The following TRIM42 variants were observed in gnomAD, a reference collection of about 807,000 sequenced individuals.
TRIM42 encodes tripartite motif containing 42.
TRIM42 carries 59 observed loss-of-function variants against 64.9 expected under a neutral mutation model. The observed-to-expected ratio is 0.91, with a 90% CI of 0.74 to 1.13. The LOEUF (loss-of-function observed/expected upper bound fraction) is 1.13. Among genes scored for constraint, TRIM42 ranks in the 50% most tolerant of loss-of-function variants. The pLI is 0.00. For synonymous variants in TRIM42, 354 were observed against 346.3 expected, an observed-to-expected ratio of 1.02 and a Z score of -0.25; for missense variants, 878 against 929.5, an observed-to-expected ratio of 0.94 and a Z score of 0.72.
rs560061864 is a variant in TRIM42, at chr3:140,699,455, T to C, written c.2086-1433T>C. Among the ~76,000 whole-genome samples, 29 of 152,298 alleles carry C rather than the reference T, an allele frequency of 1.9e-4. No homozygotes were observed. In the East Asian group the frequency reaches 5.4e-3, roughly 28 times the overall value. On this transcript the variant is annotated intron_variant, in intron 4 of 4. Coordinates refer to ENST00000286349, the MANE Select transcript of TRIM42 (RefSeq NM_152616.5). ...TGGGGCATTTGGGGCAGGGAAGAGA[T>C]GTCAACTATCATTTCAATTTCTTTA... is the stretch of plus-strand genomic sequence containing the variant.
chr3:140,684,482 C>T (rs1366065334), intron 2 of TRIM42, among the ~76,000 whole-genome samples: 1 of 152,150 alleles, frequency 6.6e-6, no homozygotes, highest in African/African-American at 2.4e-5. Context: ...TCAGATAGGC[C>T]TACACATTTG....
intron 3 of TRIM42, 110 bp from the exon 4 acceptor site, chr3:140,690,857 TG>T: frequency 1.2e-6 from 1 of 804,412 alleles, no homozygotes; most frequent in Non-Finnish European, 2.1e-6. Flanking sequence ...CTACAGGGGA[TG>T]GGGTCAGCTT....
Position 140,682,478 on chromosome 3 carries a change from C to T in TRIM42, c.358C>T (p.Arg120Cys), listed in dbSNP as rs778272672. The change falls in exon 2 of 5, where the codon CGC (arginine) becomes TGC (cysteine). Residue 120 changes from arginine to cysteine, a missense_variant. Physicochemically the swap from Arg to Cys is radical, Grantham distance 180 (BLOSUM62 -3). Transcript: ENST00000286349. Reference protein sequence around the residue: ...SIHTSSKTALRTGSSDTQVDE... With the variant: ...SIHTSSKTALCTGSSDTQVDE... ...TCCTTTCAGCTCCAAGACTGCCCTG[C>T]GCACTGGGAGCAGCGATACCCAGGT... 2 of 1,613,658 alleles carry T rather than the reference C, an allele frequency of 1.2e-6. No homozygotes were observed. The highest frequency in any genetic ancestry group is 1.3e-5 in the African/African-American group (1 of 75,052).
At chr3:140,682,201 A>T (rs1221426198) in intron 1 of TRIM42, among the ~76,000 whole-genome samples, 1 of 152,196 alleles carries the variant, frequency 6.6e-6, no homozygotes, top group African/African-American at 2.4e-5. Context: ...ACTCAATTTT[A>T]ATCTTCTCAA....
intron 4 of TRIM42, among the ~76,000 whole-genome samples, chr3:140,695,953 C>T (rs755403474): frequency 5.3e-5 from 8 of 152,182 alleles, no homozygotes; most frequent in Non-Finnish European, 8.8e-5. Context: ...CTAAAGAGCT[C>T]GTGACCTTTC....
intron 4 of TRIM42, among the ~76,000 whole-genome samples, chr3:140,700,620 A>C (rs1988975565): frequency 6.6e-6 from 1 of 152,364 alleles, no homozygotes; most frequent in Non-Finnish European, 1.5e-5. Flanking sequence ...CACTGTCATC[A>C]GCACTTAGTC....
chr3:140,686,582 C>A (rs1012648120), intron 2 of TRIM42, among the ~76,000 whole-genome samples: 3 of 152,306 alleles, frequency 2.0e-5, no homozygotes, highest in Admixed American at 1.3e-4. Flanking sequence ...CAAGTGCACA[C>A]CCTTGTTACA....
Position 140,688,081 on chromosome 3 carries a change from C to A in TRIM42, c.1399C>A (p.Leu467Ile). 6.2e-7 allele frequency: 1 copy of A among 1,614,000 alleles called. No individual in the cohort carries two copies. Among genetic ancestry groups the A allele is most frequent in the Non-Finnish European group, 8.5e-7 (1 of 1,179,884 alleles). Reference protein sequence around the residue: ...IQTTYRPDPQLRLHSINYVPL... With the variant: ...IQTTYRPDPQIRLHSINYVPL... ...GACCACCTACAGGCCTGACCCACAG[C>A]TCCGGCTGCACTCAATAAACTACGT... is the stretch of plus-strand genomic sequence containing the variant. Residue 467 changes from leucine (L) to isoleucine (I), a missense_variant, in exon 3 of 5, where the codon CTC (leucine) becomes ATC (isoleucine). Coordinates refer to ENST00000286349, the MANE Select transcript of TRIM42 (RefSeq NM_152616.5).
At chr3:140,687,163 A>G (rs536809782) in intron 2 of TRIM42, among the ~76,000 whole-genome samples, 11 of 152,262 alleles carry the variant, frequency 7.2e-5, no homozygotes, top group African/African-American at 2.4e-4. Flanking sequence ...TAGCTGAACC[A>G]CAAGAGGGAC....
chr3:140,691,442 G>T (rs1413400331), intron 4 of TRIM42, among the ~76,000 whole-genome samples: 1 of 152,196 alleles, frequency 6.6e-6, no homozygotes, highest in Non-Finnish European at 1.5e-5. Flanking sequence ...TAGAGATTCA[G>T]AGGAAAATAA....
At chr3:140,695,143 G>A (rs1056857733) in intron 4 of TRIM42, among the ~76,000 whole-genome samples, 4 of 152,148 alleles carry the variant, frequency 2.6e-5, no homozygotes, top group Non-Finnish European at 5.9e-5. Flanking sequence ...AGCTACTTGG[G>A]AGGCTGAGGC....
Position 140,688,240 on chromosome 3 carries a change from G to T in TRIM42, c.1558G>T (p.Val520Phe). Residue 520 changes from valine to phenylalanine, a missense_variant, in exon 3 of 5, where the codon GTC becomes TTC. Val to Phe is a conservative substitution (Grantham distance 50, BLOSUM62 -1). Transcript: ENST00000286349. Reference sequence around the variant, plus strand: ...CTCAGAAACAATGATTGCCAGGAAGGTCACTTTCAGCACCCACAGCCTCGG... The same window carrying T: ...CTCAGAAACAATGATTGCCAGGAAGTTCACTTTCAGCACCCACAGCCTCGG... ...VHSETMIARK[V>F]TFSTHSLGNQ... is the part of the protein sequence containing the mutation. 6.2e-7 allele frequency: 1 copy of T among 1,614,144 alleles called. No individual in the cohort carries two copies. Among genetic ancestry groups the T allele is most frequent in the Non-Finnish European group, 8.5e-7 (1 of 1,180,040 alleles).
intron 4 of TRIM42, among the ~76,000 whole-genome samples, chr3:140,692,375 T>C (rs1988739757): frequency 6.6e-6 from 1 of 152,102 alleles, no homozygotes; most frequent in Admixed American, 6.6e-5. Flanking sequence ...GAGTGGTTGC[T>C]ACCTCTAGTA....
chr3:140,682,348 C>T (rs752747886), intron 1 of TRIM42, 114 bp from the exon 2 acceptor site: 19 of 1,029,610 alleles, frequency 1.8e-5, no homozygotes, highest in Non-Finnish European at 2.5e-5. Context: ...AGCTCAGGCT[C>T]CTCACCACCA....
intron 1 of TRIM42, 102 bp from the exon 2 acceptor site, chr3:140,682,360 A>G: frequency 8.5e-7 from 1 of 1,176,386 alleles, no homozygotes; most frequent in South Asian, 1.4e-5. Context: ...TCACCACCAC[A>G]CTAGACTGCC....
intron 1 of TRIM42, among the ~76,000 whole-genome samples, chr3:140,681,979 A>G (rs1213719071): frequency 6.6e-6 from 1 of 151,830 alleles, no homozygotes; most frequent in African/African-American, 2.4e-5. Context: ...GAGTCCAAAC[A>G]TTATTAAGTG....
In TRIM42 at chr3:140,691,196, T is replaced by TGG; in HGVS notation, c.2085+4_2085+5insGG. ...GCAATGGAGTGATATCTGCAAGGTA[T>TGG]TGTGTGCGTTATTTCTCAGACAGAT... On this transcript the variant is annotated splice_donor_region_variant and intron_variant, in intron 4 of 4. Coordinates refer to ENST00000286349, the MANE Select transcript of TRIM42 (RefSeq NM_152616.5). 1 of 1,612,288 alleles carries TGG rather than the reference T, an allele frequency of 6.2e-7. No individual in the cohort carries two copies. The highest frequency in any genetic ancestry group is 8.5e-7 in the Non-Finnish European group (1 of 1,178,332).
At chr3:140,690,488 T>C (rs1056186173) in intron 3 of TRIM42, among the ~76,000 whole-genome samples, 1 of 135,512 alleles carries the variant, frequency 7.4e-6, no homozygotes, top group Non-Finnish European at 1.5e-5. Flanking sequence ...ACAACATAAG[T>C]AAAAGAAAAT....
rs543385333 is a variant in TRIM42 at position 140,692,878 on chromosome 3, T to C, written c.2085+1686T>C. ...AGTACTGTTGCTAAAATATATGTAA[T>C]CTATTATTTTCAGATGCCAGGGAAA... is the stretch of plus-strand genomic sequence containing the variant. On this transcript the variant is annotated intron_variant, in intron 4 of 4. Coordinates refer to ENST00000286349, the MANE Select transcript of TRIM42 (RefSeq NM_152616.5). Among the ~76,000 whole-genome samples the C allele has an allele frequency of 5.7e-4, 87 of 152,324 alleles. 1 individual carries two copies. Among genetic ancestry groups the C allele is most frequent in the Non-Finnish European group, 5.6e-4 (38 of 68,018 alleles).
Sources: allele counts gnomAD v4.1 joint callset (sites outside exome capture counted in the v4.1 genomes callset), GRCh38; gene constraint gnomAD v4.1.1; transcripts MANE v1.5; gene names NCBI Gene and HGNC (gene_info 2026-07-23, HGNC 2026-07-21).